The following SLC25A23 variants were observed in gnomAD, a reference collection of about 807,000 sequenced individuals.
The protein encoded by SLC25A23 is mitochondrial adenyl nucleotide antiporter SLC25A23.
SLC25A23 carries 32 observed loss-of-function variants against 53.9 expected under a neutral mutation model. The observed-to-expected ratio is 0.59, with a 90% CI of 0.45 to 0.80. The LOEUF (loss-of-function observed/expected upper bound fraction) is 0.80, where lower values mean the gene tolerates loss of function less well. Among genes scored for constraint, SLC25A23 ranks in the 30% least tolerant of loss-of-function variants. The probability of loss-of-function intolerance (pLI) is 0.00; values close to 1 mark genes in which losing one functional copy is unlikely to be tolerated. For missense variants in SLC25A23, 575 were observed against 651.4 expected (o/e 0.88, Z 1.28); for synonymous variants, 275 against 264.5 (o/e 1.04, Z -0.38).
rs2092656258 is a variant in SLC25A23 at position 6,454,924 on chromosome 19, T to C, written c.484-207A>G. Among the ~76,000 whole-genome samples, 1 of 152,128 alleles carries C rather than the reference T, an allele frequency of 6.6e-6. No individual in the cohort carries two copies. The highest frequency in any genetic ancestry group is 6.5e-5 in the Admixed American group (1 of 15,272). ...TAGCAGCCTCCTTAGAAGATCCCAA[T>C]ATCCTACTAAATCCCACCAAAGGAT... On this transcript the variant is annotated intron_variant, in intron 4 of 9. Coordinates refer to ENST00000301454, the MANE Select transcript of SLC25A23 (RefSeq NM_024103.3). This position sits in a 1 kb window ranked among gnomAD's most constrained non-coding sequence, Gnocchi z 4.3.
chr19:6,451,427 A>G (rs531606092), intron 8 of SLC25A23, among the ~76,000 whole-genome samples: 1 of 152,342 alleles, frequency 6.6e-6, no homozygotes, highest in East Asian at 1.9e-4. Flanking sequence ...ATTTCGAGAC[A>G]GCAGTAGCAG....
In SLC25A23 at chr19:6,452,420, G is replaced by A. The variant is rs140701489; in HGVS notation, c.963C>T (p.Cys321=). Residue 321 remains cysteine (C), a synonymous_variant, in exon 8 of 10, where the codon TGC becomes TGT. Transcript: ENST00000301454. ...RTGQYKGLLD[C]ARRILEREGP... ...CCTCCCTCTCCAGGATACGCCTGGC[G>A]CAGTCCAGCAGCCCCTTATACTGGC... The A allele has an allele frequency of 2.1e-3, 3,397 of 1,613,894 alleles. 12 individuals are homozygous for A. Among genetic ancestry groups the A allele is most frequent in the Non-Finnish European group, 2.7e-3 (3,222 of 1,179,978 alleles).
At position 6,454,298 on chromosome 19, in the gene SLC25A23, C is replaced by T. The variant is rs148091799; in HGVS notation, c.795+25G>A. 6.2e-7 allele frequency: 1 copy of T among 1,604,992 alleles called. No homozygotes were observed. Among genetic ancestry groups the T allele is most frequent in the East Asian group, 2.2e-5 (1 of 44,766 alleles). ...AGCCCAGTCTTCCCTATGGCAAGCA[C>T]ATTCCTCCCTGTACCTGCCCTCACC... On this transcript the variant is annotated intron_variant, in intron 6 of 9. Transcript: ENST00000301454. This position sits in a 1 kb window ranked among gnomAD's most constrained non-coding sequence, Gnocchi z 4.3.
At chr19:6,449,874 T>C (rs2092562493) in intron 8 of SLC25A23, among the ~76,000 whole-genome samples, 1 of 121,152 alleles carries the variant, frequency 8.3e-6, no homozygotes, top group Non-Finnish European at 1.9e-5. Context: ...TTTTTTTTTT[T>C]TTTTTGAGAT....
chr19:6,452,739 A>T (rs1699382758), intron 7 of SLC25A23: 1 of 388,112 alleles, frequency 2.6e-6, no homozygotes, highest in South Asian at 4.5e-5. Flanking sequence ...ATTTCTGTAG[A>T]GATGGGGACT....
At chr19:6,456,279 C>T (rs1390932130) in intron 4 of SLC25A23, 141 bp downstream of exon 4, 2 of 944,000 alleles carry the variant, frequency 2.1e-6, no homozygotes, top group African/African-American at 1.6e-5. Context: ...AGGAACAGAC[C>T]CTCATCCGTC....
At chr19:6,453,920 G>A in intron 7 of SLC25A23, 61 bp downstream of exon 7, 1 of 1,348,344 alleles carries the variant, frequency 7.4e-7, no homozygotes. Flanking sequence ...TGCAGAGTGA[G>A]ATGGGTACAG....
At position 6,459,780 on chromosome 19, in the gene SLC25A23, G is replaced by A. The variant is rs1377414453; in HGVS notation, c.-152C>T. ...CAGTCCGCTCGGCTCTGGCACTTGCGGGAGGTGGTGACGGCTAGCCGTCGC... is the reference window on the plus strand; with the variant it reads ...CAGTCCGCTCGGCTCTGGCACTTGCAGGAGGTGGTGACGGCTAGCCGTCGC... On this transcript the variant is annotated 5_prime_UTR_variant, in exon 1 of 10. Transcript: ENST00000301454. This position sits in a 1 kb window ranked among gnomAD's most constrained non-coding sequence, Gnocchi z 4.6. 1 of 581,736 alleles carries A rather than the reference G, an allele frequency of 1.7e-6. No homozygotes were observed. Among genetic ancestry groups the A allele is most frequent in the Non-Finnish European group, 2.4e-6 (1 of 410,200 alleles). The allele number at this position is 581,736 out of a possible 1,614,324, so 36.0% of individuals were successfully genotyped here. A position where few individuals can be genotyped will look rare whatever the true frequency, so the allele number is the denominator to read the frequency against.
chr19:6,454,848 C>T lies in SLC25A23; in HGVS notation c.484-131G>A. ...TCTGCCAATGACTCTTGCTTGGAGACCCCAGAAGAGTCCTGTTGGGTCCTA... is the reference window on the plus strand; with the variant it reads ...TCTGCCAATGACTCTTGCTTGGAGATCCCAGAAGAGTCCTGTTGGGTCCTA... On this transcript the variant is annotated intron_variant, in intron 4 of 9. Coordinates refer to ENST00000301454, the MANE Select transcript of SLC25A23 (RefSeq NM_024103.3). The surrounding 1 kb of genome is among the most constrained non-coding windows in gnomAD (Gnocchi z 4.3). 1 of 1,116,840 alleles carries T rather than the reference C, an allele frequency of 9.0e-7. No homozygotes were observed. The highest frequency in any genetic ancestry group is 1.3e-6 in the Non-Finnish European group (1 of 792,902). The allele number at this position is 1,116,840 out of a possible 1,614,324, so 69.2% of individuals were successfully genotyped here.
chr19:6,454,263 C>G lies in SLC25A23; in HGVS notation c.795+60G>C. 1 of 1,569,790 alleles carries G rather than the reference C, an allele frequency of 6.4e-7. No individual in the cohort carries two copies. The highest frequency in any genetic ancestry group is 1.2e-5 in the South Asian group (1 of 83,900). ...CCACCCCCAAGCCAATCCCGTAAAT[C>G]TTTATGTACAGCCCAGTCTTCCCTA... is the stretch of plus-strand genomic sequence containing the variant. On this transcript the variant is annotated intron_variant, in intron 6 of 9. Transcript: ENST00000301454. The surrounding 1 kb of genome is among the most constrained non-coding windows in gnomAD (Gnocchi z 4.3).
chr19:6,456,453 C>T lies in SLC25A23; in HGVS notation c.450G>A (p.Val150=), dbSNP rs775952069. ...GCTTCCAGAAATACAGCACGTCCTC[C>T]ACATTTTCCAGCGAATGCAACAGGA... ...DHFLLHSLEN[V]EDVLYFWKHS... The change falls in exon 4 of 10, where the codon GTG becomes GTA. Residue 150 remains valine, a synonymous_variant. Transcript: ENST00000301454. 148 of 1,613,924 alleles carry T rather than the reference C, an allele frequency of 9.2e-5. No individual in the cohort carries two copies. The highest frequency in any genetic ancestry group is 1.2e-4 in the Non-Finnish European group (142 of 1,180,032).
chr19:6,459,265 G>C lies in SLC25A23; in HGVS notation c.156+208C>G, dbSNP rs915472670. On this transcript the variant is annotated intron_variant, in intron 1 of 9. Coordinates refer to ENST00000301454, the MANE Select transcript of SLC25A23 (RefSeq NM_024103.3). This position sits in a 1 kb window ranked among gnomAD's most constrained non-coding sequence, Gnocchi z 4.6. Reference sequence around the variant, plus strand: ...AGCAGGGGGATCGGGTGTTGGCCGCGGAACTGCAGGCTTGGGGCCTCGGCG... The same window carrying C: ...AGCAGGGGGATCGGGTGTTGGCCGCCGAACTGCAGGCTTGGGGCCTCGGCG... Among the ~76,000 whole-genome samples, 2 of 152,142 alleles carry C rather than the reference G, an allele frequency of 1.3e-5. No individual in the cohort carries two copies. The highest frequency in any genetic ancestry group is 1.5e-5 in the Non-Finnish European group (1 of 68,018).
intron 7 of SLC25A23, chr19:6,452,699 C>A: frequency 2.0e-6 from 1 of 493,206 alleles, no homozygotes; most frequent in South Asian, 3.7e-5. Flanking sequence ...CAGTAACTGT[C>A]TCCTGATATC....
rs3890058 is a variant in SLC25A23 at position 6,458,155 on chromosome 19, A to G, written c.283+43T>C. The G allele has an allele frequency of 2.1e-3, 3,330 of 1,604,784 alleles. 70 individuals are homozygous for G. The African/African-American group carries it at 0.039, about 19-fold the overall frequency. ...CCACTGATGTCTCTAGGGCCCCCAC[A>G]GCCCTATCCCTTGGGGCCTGCAGGC... On this transcript the variant is annotated intron_variant, in intron 2 of 9. Transcript: ENST00000301454.
intron 8 of SLC25A23, among the ~76,000 whole-genome samples, chr19:6,445,893 AC>A (rs1468921748): frequency 6.7e-6 from 1 of 148,744 alleles, no homozygotes; most frequent in Non-Finnish European, 1.5e-5. Flanking sequence ...CTCTACAAAA[AC>A]AAACAAACAC....
chr19:6,452,965 T>G (rs1317856925), intron 7 of SLC25A23, among the ~76,000 whole-genome samples: 1 of 152,206 alleles, frequency 6.6e-6, no homozygotes. Flanking sequence ...TATGTGGCTA[T>G]GTCACTATGT....
At chr19:6,445,157 A>G (rs1378482626) in intron 8 of SLC25A23, among the ~76,000 whole-genome samples, 1 of 148,050 alleles carries the variant, frequency 6.8e-6, no homozygotes, top group Admixed American at 6.8e-5. Flanking sequence ...TTGCCCAGGC[A>G]GGAGTGCAAT....
intron 8 of SLC25A23, among the ~76,000 whole-genome samples, chr19:6,451,081 A>G (rs866109826): frequency 0.013 from 1,794 of 133,796 alleles, 41 homozygotes; most frequent in African/African-American, 0.05. Flanking sequence ...CTGTCTCGGG[A>G]AAAAAAAAAA....
chr19:6,449,517 C>T (rs2092556251), intron 8 of SLC25A23, among the ~76,000 whole-genome samples: 1 of 151,922 alleles, frequency 6.6e-6, no homozygotes, highest in African/African-American at 2.4e-5. Flanking sequence ...CAGGTTCATG[C>T]CATTCTCCTG....
Sources: allele counts gnomAD v4.1 joint callset (sites outside exome capture counted in the v4.1 genomes callset), GRCh38; gene constraint gnomAD v4.1.1; non-coding constraint Gnocchi (gnomAD v3.1); transcripts MANE v1.5; gene names NCBI Gene and HGNC (gene_info 2026-07-23, HGNC 2026-07-21).